ARHGAP23: variants seen among roughly 807,000 people sequenced by gnomAD.
The protein encoded by ARHGAP23 is Rho GTPase activating protein 23, also known as rho GTPase-activating protein 23.
Under a neutral mutation model 136.3 loss-of-function variants are expected in ARHGAP23, and 34 were observed. The observed-to-expected ratio is 0.25, with a 90% confidence interval of 0.19 to 0.33. ARHGAP23 has a LOEUF of 0.33. Ranked by LOEUF, ARHGAP23 falls within the 10% of genes least tolerant of loss-of-function variation. The pLI, the probability that ARHGAP23 is intolerant of heterozygous loss-of-function variation, is 1.00. For synonymous variants in ARHGAP23, 832 were observed against 920.5 expected (o/e 0.90, Z 1.74); for missense variants, 1,808 against 2,139.0 (o/e 0.85, Z 3.05).
At chr17:38,479,020 T>G (rs1273036467) in intron 12 of ARHGAP23, among the ~76,000 whole-genome samples, 2 of 152,274 alleles carry the variant, frequency 1.3e-5, no homozygotes, top group Admixed American at 1.3e-4. Flanking sequence ...ACCTGGAATT[T>G]GGGCCTCCTC....
intron 1 of ARHGAP23, among the ~76,000 whole-genome samples, chr17:38,420,126 C>G (rs1375004276): frequency 6.6e-6 from 1 of 152,164 alleles, no homozygotes; most frequent in South Asian, 2.1e-4. Flanking sequence ...GGGATGAAGA[C>G]CCCCTCTGGT....
rs547963896 is a variant in ARHGAP23, at chr17:38,431,288, C to T, written c.63+2740C>T. ...TTTCCCACCCTGCCCCATGCTAGCC[C>T]ATAGCACTGGGCCAGGGCTCGGTTC... On this transcript the variant is annotated intron_variant, in intron 1 of 23. Coordinates refer to ENST00000622683, the MANE Select transcript of ARHGAP23 (RefSeq NM_001199417.2). 2.0e-5 allele frequency among the ~76,000 whole-genome samples: 3 copies of T among 152,338 alleles called. No homozygotes were observed. In the East Asian group the frequency reaches 5.8e-4, roughly 29 times the overall value.
chr17:38,422,295 G>C (rs1043656680), intron 1 of ARHGAP23, among the ~76,000 whole-genome samples: 1 of 152,168 alleles, frequency 6.6e-6, no homozygotes, highest in Admixed American at 6.5e-5. Context: ...TGTTTATAAA[G>C]AGCTTGGCAC....
chr17:38,473,778 A>G (rs35517172), intron 11 of ARHGAP23, among the ~76,000 whole-genome samples: 16,240 of 151,736 alleles, frequency 0.11, 927 homozygotes, highest in African/African-American at 0.14. Context: ...CTGACAGGGA[A>G]GATGTCTCCT....
intron 10 of ARHGAP23, among the ~76,000 whole-genome samples, chr17:38,471,580 A>G (rs1764635398): frequency 3.3e-5 from 5 of 152,182 alleles, no homozygotes; most frequent in South Asian, 2.1e-4. Context: ...CTAAGTCTAT[A>G]AAGTTATGGG....
At chr17:38,473,385 C>G (rs1389468390) in intron 11 of ARHGAP23, among the ~76,000 whole-genome samples, 1 of 152,114 alleles carries the variant, frequency 6.6e-6, no homozygotes, top group Non-Finnish European at 1.5e-5. Flanking sequence ...CTTTGGGCAC[C>G]CCACTTACCT....
intron 12 of ARHGAP23, 44 bp from the exon 13 acceptor site, chr17:38,479,392 G>T: frequency 6.6e-7 from 1 of 1,511,060 alleles, no homozygotes; most frequent in South Asian, 1.2e-5. Flanking sequence ...GGGTGGGCTG[G>T]CTGTGGGCAC....
intron 23 of ARHGAP23, among the ~76,000 whole-genome samples, chr17:38,505,204 T>G (rs1325720557): frequency 6.6e-6 from 1 of 151,662 alleles, no homozygotes; most frequent in African/African-American, 2.4e-5. Context: ...AATGGGGTCT[T>G]GCTTCTTTGC....
chr17:38,453,278 A>T (rs569989026), intron 1 of ARHGAP23, among the ~76,000 whole-genome samples: 1 of 151,668 alleles, frequency 6.6e-6, no homozygotes, highest in Non-Finnish European at 1.5e-5. Flanking sequence ...GTATGTCCAC[A>T]TAGGGTGAGT....
At chr17:38,446,273 C>A (rs58103877) in intron 1 of ARHGAP23, among the ~76,000 whole-genome samples, 25,538 of 150,176 alleles carry the variant, frequency 0.17, 3,151 homozygotes, top group African/African-American at 0.36. Flanking sequence ...AATCCTCCCA[C>A]CTCAGCCTCC....
intron 2 of ARHGAP23, among the ~76,000 whole-genome samples, chr17:38,459,285 G>A (rs530190405): frequency 1.3e-5 from 2 of 152,162 alleles, no homozygotes; most frequent in Non-Finnish European, 1.5e-5. Context: ...TGTGTGCATC[G>A]CGTGCTGGCC....
At chr17:38,460,634 G>T (rs1274657297) in intron 2 of ARHGAP23, among the ~76,000 whole-genome samples, 2 of 152,192 alleles carry the variant, frequency 1.3e-5, no homozygotes, top group African/African-American at 2.4e-5. Context: ...TGGGCTGGGA[G>T]CTCCCCCAGG....
At chr17:38,449,198 C>G (rs1456100119) in intron 1 of ARHGAP23, among the ~76,000 whole-genome samples, 1 of 152,184 alleles carries the variant, frequency 6.6e-6, no homozygotes, top group Non-Finnish European at 1.5e-5. Context: ...GTGACAAGTG[C>G]TTCCTCATCT....
chr17:38,454,702 C>A (rs2039283024), intron 1 of ARHGAP23, among the ~76,000 whole-genome samples: 1 of 152,144 alleles, frequency 6.6e-6, no homozygotes. Context: ...CGGGATGGAC[C>A]AGGCTGGTAG....
intron 6 of ARHGAP23, 111 bp from the exon 7 acceptor site, chr17:38,466,056 G>A (rs1465522243): frequency 2.6e-6 from 2 of 781,516 alleles, no homozygotes; most frequent in Non-Finnish European, 3.6e-6. Flanking sequence ...CCCACCGCTT[G>A]GTCCTCTCCC....
chr17:38,457,930 G>A (rs1484891744), intron 1 of ARHGAP23, 172 bp from the exon 2 acceptor site: 1 of 678,784 alleles, frequency 1.5e-6, no homozygotes, highest in Non-Finnish European at 2.4e-6. Flanking sequence ...ATGAAGGTGG[G>A]AGAGTAAGGA....
intron 20 of ARHGAP23, 146 bp downstream of exon 20, chr17:38,491,678 C>G: frequency 1.0e-6 from 1 of 998,452 alleles, no homozygotes; most frequent in Non-Finnish European, 1.5e-6. Context: ...GGTATATACT[C>G]CTCCAAAGCC....
chr17:38,488,160 G>A (rs189670317), intron 17 of ARHGAP23, among the ~76,000 whole-genome samples: 34 of 152,194 alleles, frequency 2.2e-4, no homozygotes, highest in African/African-American at 7.9e-4. Flanking sequence ...ATCGCGCCTC[G>A]GCCTTTCAAA....
intron 1 of ARHGAP23, among the ~76,000 whole-genome samples, chr17:38,449,541 T>C (rs888768963): frequency 2.0e-5 from 3 of 152,292 alleles, no homozygotes; most frequent in African/African-American, 7.2e-5. Context: ...GGAAGAGGCC[T>C]GAGGGGGCCG....
Sources: gnomAD v4.1 joint callset for allele counts (sites outside exome capture counted in the v4.1 genomes callset) on GRCh38, gnomAD v4.1.1 for gene constraint, MANE v1.5 for transcripts, NCBI Gene and HGNC (gene_info 2026-07-23, HGNC 2026-07-21) for gene names.